Variants in SDK1 observed in about 807,000 individuals in gnomAD.
SDK1 encodes sidekick cell adhesion molecule 1, also known as protein sidekick-1.
A neutral mutation model predicts 245.5 loss-of-function variants in SDK1; 157 were observed. That is an observed-to-expected ratio of 0.64 (90% CI 0.56 to 0.73). The LOEUF is 0.73. Ranked by LOEUF, SDK1 falls within the 30% of genes least tolerant of loss-of-function variation. The probability of loss-of-function intolerance (pLI) is 0.00; values close to 1 mark genes in which losing one functional copy is unlikely to be tolerated. For missense variants in SDK1, 3,583 were observed against 3,002.3 expected, an observed-to-expected ratio of 1.19 and a Z score of -4.52; for synonymous variants, 1,647 against 1,278.5, an observed-to-expected ratio of 1.29 and a Z score of -6.15.
intron 4 of SDK1, among the ~76,000 whole-genome samples, chr7:3,719,196 A>G (rs1562393984): frequency 6.6e-6 from 1 of 152,088 alleles, no homozygotes. Context: ...GAAGAAATCA[A>G]AGACCTAAAA....
Position 3,926,027 on chromosome 7 carries a change from T to TCAGGAGA in SDK1, c.848-24896_848-24895insCAGGAGA, listed in dbSNP as rs1324510041. 5.3e-5 allele frequency among the ~76,000 whole-genome samples: 8 copies of TCAGGAGA among 152,314 alleles called. No individual in the cohort carries two copies. In the East Asian group the frequency reaches 1.5e-3, roughly 29 times the overall value. ...AAGGGCAGCACGTGAGAGTGTGGCC[T>TCAGGAGA]GTGAGGAGGATGTTGAGTGACTTCA... is the stretch of plus-strand genomic sequence containing the variant. On this transcript the variant is annotated intron_variant, in intron 5 of 44. Coordinates refer to ENST00000404826, the MANE Select transcript of SDK1 (RefSeq NM_152744.4).
At chr7:3,568,830 G>T (rs1780009323) in intron 1 of SDK1, among the ~76,000 whole-genome samples, 1 of 152,144 alleles carries the variant, frequency 6.6e-6, no homozygotes, top group Non-Finnish European at 1.5e-5. Flanking sequence ...ACAAATTCCA[G>T]CAAGTTTTGC....
At chr7:4,125,454 G>A (rs1584217268) in intron 25 of SDK1, among the ~76,000 whole-genome samples, 2 of 151,142 alleles carry the variant, frequency 1.3e-5, no homozygotes, top group East Asian at 2.0e-4. Context: ...TGGGTGAATG[G>A]ATGAATGGAT....
intron 26 of SDK1, 136 bp from the exon 27 acceptor site, chr7:4,129,772 G>T: frequency 6.7e-7 from 1 of 1,496,538 alleles, no homozygotes; most frequent in Non-Finnish European, 8.9e-7. Flanking sequence ...AGATCCAGAA[G>T]CCCTGCACAC....
intron 20 of SDK1, among the ~76,000 whole-genome samples, chr7:4,070,004 C>G (rs186973649): frequency 6.6e-6 from 1 of 152,274 alleles, no homozygotes; most frequent in Non-Finnish European, 1.5e-5. Flanking sequence ...CTTTCCCCAT[C>G]CACAGTCCTC....
chr7:4,227,249 CAT>C (rs1785498183), intron 40 of SDK1: 1 of 398,188 alleles, frequency 2.5e-6, no homozygotes, highest in Non-Finnish European at 5.1e-6. Flanking sequence ...CCGGTCCCCT[CAT>C]GTGCTGCTTG....
intron 43 of SDK1, 29 bp from the exon 44 acceptor site, chr7:4,245,647 G>T: frequency 6.2e-7 from 1 of 1,609,604 alleles, no homozygotes; most frequent in Non-Finnish European, 8.5e-7. Flanking sequence ...TTGCCCAGAG[G>T]GTAATTGCAG....
chr7:3,411,732 G>C (rs1779213083), intron 1 of SDK1, among the ~76,000 whole-genome samples: 1 of 151,808 alleles, frequency 6.6e-6, no homozygotes, highest in Non-Finnish European at 1.5e-5. Flanking sequence ...TGCATCCTTT[G>C]TGTCTAGTCT....
chr7:4,176,258 C>A (rs1281390929), intron 34 of SDK1, among the ~76,000 whole-genome samples: 1 of 151,726 alleles, frequency 6.6e-6, no homozygotes, highest in Non-Finnish European at 1.5e-5. Flanking sequence ...GAACTCCTGG[C>A]TCAAGTGATC....
chr7:3,330,324 C>G (rs983251610), intron 1 of SDK1, among the ~76,000 whole-genome samples: 2 of 152,152 alleles, frequency 1.3e-5, no homozygotes, highest in African/African-American at 2.4e-5. Context: ...GTTCCAATTT[C>G]TAACACTTAT....
At chr7:3,502,784 T>G (rs905530845) in intron 1 of SDK1, among the ~76,000 whole-genome samples, 2 of 152,238 alleles carry the variant, frequency 1.3e-5, no homozygotes, top group Non-Finnish European at 2.9e-5. Context: ...ACAACACATT[T>G]CTTACACGTG....
intron 1 of SDK1, among the ~76,000 whole-genome samples, chr7:3,538,517 T>C (rs550248614): frequency 6.6e-6 from 1 of 152,218 alleles, no homozygotes; most frequent in African/African-American, 2.4e-5. Flanking sequence ...CTTGCCTGTT[T>C]CCCTGTCAGC....
At chr7:3,873,136 C>T (rs1451784082) in intron 5 of SDK1, among the ~76,000 whole-genome samples, 1 of 152,130 alleles carries the variant, frequency 6.6e-6, no homozygotes, top group Non-Finnish European at 1.5e-5. Flanking sequence ...TGTCTACTGG[C>T]AGTAAATTCC....
At chr7:3,734,061 G>T (rs929030290) in intron 4 of SDK1, among the ~76,000 whole-genome samples, 2 of 152,198 alleles carry the variant, frequency 1.3e-5, no homozygotes, top group African/African-American at 4.8e-5. Context: ...TGGACCCACA[G>T]CTCCTTTCCT....
At chr7:3,948,672 G>C (rs1038261675) in intron 5 of SDK1, among the ~76,000 whole-genome samples, 2 of 152,198 alleles carry the variant, frequency 1.3e-5, no homozygotes, top group Admixed American at 6.5e-5. Context: ...TGCGGCACTT[G>C]GCCCTGCGGG....
rs565839101 is a variant in SDK1, at chr7:3,526,140, G to T, written c.299-92940G>T. ...TCCCAGCTATTCAGGAGCTGAGGCA[G>T]GAGAATTGCTTGAACCCAGGAGGTG... On this transcript the variant is annotated intron_variant, in intron 1 of 44. Coordinates refer to ENST00000404826, the MANE Select transcript of SDK1 (RefSeq NM_152744.4). 3.3e-5 allele frequency among the ~76,000 whole-genome samples: 5 copies of T among 152,158 alleles called. No homozygotes were observed. In the South Asian group the frequency reaches 1.0e-3, roughly 32 times the overall value.
chr7:3,877,886 TTGCAGTGAAC>T (rs1190513285), intron 5 of SDK1, among the ~76,000 whole-genome samples: 2 of 148,092 alleles, frequency 1.4e-5, no homozygotes, highest in Non-Finnish European at 3.0e-5. Context: ...TTTAGGTTAC[TTGCAGTGAAC>T]TGCAGTGAAC....
chr7:4,085,664 C>G (rs1781380910), intron 22 of SDK1, among the ~76,000 whole-genome samples: 1 of 152,144 alleles, frequency 6.6e-6, no homozygotes, highest in African/African-American at 2.4e-5. Context: ...AAGCTATTCT[C>G]CTGCCTCAGC....
At chr7:3,782,083 A>G (rs972414942) in intron 4 of SDK1, among the ~76,000 whole-genome samples, 6 of 152,192 alleles carry the variant, frequency 3.9e-5, no homozygotes, top group African/African-American at 9.7e-5. Context: ...GCTGTAAAGG[A>G]ATACCCAAGA....
Sources: allele counts gnomAD v4.1 joint callset (sites outside exome capture counted in the v4.1 genomes callset), GRCh38; gene constraint gnomAD v4.1.1; transcripts MANE v1.5; gene names NCBI Gene and HGNC (gene_info 2026-07-23, HGNC 2026-07-21).